The following CSMD1 variants were observed in gnomAD, a reference collection of about 807,000 sequenced individuals.
CSMD1 encodes CUB and sushi domain-containing protein 1.
In CSMD1, 213 loss-of-function variants were observed where a neutral mutation model predicts 417.5. The observed-to-expected ratio is 0.51, with a 90% CI of 0.46 to 0.57. The LOEUF (loss-of-function observed/expected upper bound fraction) is 0.57. Among genes scored for constraint, CSMD1 ranks in the 20% least tolerant of loss-of-function variants. The pLI is 0.00. For synonymous variants in CSMD1, 2,862 were observed against 1,736.8 expected (o/e 1.65, Z -16.11); for missense variants, 6,923 against 4,529.7 (o/e 1.53, Z -15.17).
intron 5 of CSMD1, among the ~76,000 whole-genome samples, chr8:3,848,305 C>T (rs115449873): frequency 6.6e-5 from 10 of 152,214 alleles, no homozygotes; most frequent in African/African-American, 2.4e-4. Flanking sequence ...TGCGATCCCA[C>T]TAACAACAGA....
chr8:3,899,951 A>G (rs1380737935), intron 5 of CSMD1, among the ~76,000 whole-genome samples: 1 of 152,244 alleles, frequency 6.6e-6, no homozygotes, highest in Non-Finnish European at 1.5e-5. Flanking sequence ...TCCCATGGGA[A>G]GGGTAGTTGC....
At chr8:4,048,296 G>C (rs920701276) in intron 3 of CSMD1, among the ~76,000 whole-genome samples, 3 of 152,124 alleles carry the variant, frequency 2.0e-5, no homozygotes, top group Admixed American at 6.6e-5. Context: ...GCATAAGATT[G>C]AGCTGGTTAC....
chr8:3,251,873 G>A (rs185985572), intron 26 of CSMD1, among the ~76,000 whole-genome samples: 7 of 152,160 alleles, frequency 4.6e-5, no homozygotes, highest in African/African-American at 1.7e-4. Flanking sequence ...TTTGTCTGTT[G>A]TTGGTGTATA....
chr8:3,099,296 C>T (rs1024627351), intron 46 of CSMD1, among the ~76,000 whole-genome samples: 15 of 152,236 alleles, frequency 9.9e-5, no homozygotes, highest in Admixed American at 2.0e-4. Context: ...CTGCCATAAA[C>T]GTCACAAGAT....
chr8:4,117,032 G>A (rs967745943), intron 3 of CSMD1, among the ~76,000 whole-genome samples: 3 of 151,060 alleles, frequency 2.0e-5, no homozygotes, highest in Non-Finnish European at 2.9e-5. Context: ...TTTTCTTTTC[G>A]CAGTTTGGAA....
rs1276409041 is a variant in CSMD1 at position 4,102,565 on chromosome 8, G to A, written c.416-70466C>T. Among the ~76,000 whole-genome samples, 3 of 150,034 alleles carry A rather than the reference G, an allele frequency of 2.0e-5. No homozygotes were observed. The South Asian group carries it at 6.2e-4, about 31-fold the overall frequency. On this transcript the variant is annotated intron_variant, in intron 3 of 69. Transcript: ENST00000635120. Reference sequence around the variant, plus strand: ...AAATGTCAGCTTATCACAGGAGGCTGACTCCCAGGCTGAAATAATTCAATC... The same window carrying A: ...AAATGTCAGCTTATCACAGGAGGCTAACTCCCAGGCTGAAATAATTCAATC...
At chr8:3,531,553 G>C (rs934362225) in intron 10 of CSMD1, among the ~76,000 whole-genome samples, 1 of 152,190 alleles carries the variant, frequency 6.6e-6, no homozygotes, top group African/African-American at 2.4e-5. Context: ...AGAAGTTCTG[G>C]GAGCCCTGCC....
intron 2 of CSMD1, among the ~76,000 whole-genome samples, chr8:4,481,459 A>G (rs1248192871): frequency 6.6e-6 from 1 of 152,262 alleles, no homozygotes; most frequent in East Asian, 1.9e-4. Context: ...AGATAAAATA[A>G]TGATGTGTTC....
rs544766396 is a variant in CSMD1 at position 2,996,863 on chromosome 8, T to A, written c.8377+1148A>T. ...AATGAAAGAAGAAGAAAAGTTGTAG[T>A]TCAGGTGAAATCAGTAACCATGTTC... On this transcript the variant is annotated intron_variant, in intron 54 of 69. Transcript: ENST00000635120. Among the ~76,000 whole-genome samples the A allele has an allele frequency of 1.3e-4, 20 of 152,358 alleles. No individual in the cohort carries two copies. The South Asian group carries it at 3.9e-3, about 30-fold the overall frequency.
chr8:4,108,720 T>A (rs1563134389), intron 3 of CSMD1, among the ~76,000 whole-genome samples: 1 of 152,298 alleles, frequency 6.6e-6, no homozygotes, highest in Admixed American at 6.5e-5. Context: ...ATAAACGAAG[T>A]GTATGCATAC....
chr8:3,218,928 G>A (rs994591083), intron 29 of CSMD1, among the ~76,000 whole-genome samples: 1 of 152,030 alleles, frequency 6.6e-6, no homozygotes, highest in Non-Finnish European at 1.5e-5. Flanking sequence ...TCATCTTGAA[G>A]AAACAAATTA....
chr8:3,966,883 T>A (rs1448932800), intron 5 of CSMD1, among the ~76,000 whole-genome samples: 1 of 152,216 alleles, frequency 6.6e-6, no homozygotes, highest in African/African-American at 2.4e-5. Context: ...ACTGGATGTA[T>A]CAGATTTTCA....
intron 3 of CSMD1, among the ~76,000 whole-genome samples, chr8:4,406,642 G>C (rs1002038366): frequency 6.6e-6 from 1 of 152,108 alleles, no homozygotes; most frequent in African/African-American, 2.4e-5. Flanking sequence ...CCACACAACA[G>C]GAAGCATGGG....
At chr8:4,575,817 G>A (rs1387687291) in intron 2 of CSMD1, among the ~76,000 whole-genome samples, 3 of 152,172 alleles carry the variant, frequency 2.0e-5, no homozygotes, top group African/African-American at 7.2e-5. Flanking sequence ...CTAGTCTGAG[G>A]TCGCAATGTC....
At chr8:4,301,547 G>A (rs985870840) in intron 3 of CSMD1, among the ~76,000 whole-genome samples, 1 of 152,142 alleles carries the variant, frequency 6.6e-6, no homozygotes, top group Non-Finnish European at 1.5e-5. Flanking sequence ...GCAATGTTTT[G>A]GAATTCACCA....
intron 1 of CSMD1, among the ~76,000 whole-genome samples, chr8:4,792,766 T>C (rs1178469902): frequency 6.6e-6 from 1 of 152,120 alleles, no homozygotes; most frequent in Non-Finnish European, 1.5e-5. Flanking sequence ...ACGGGGTGTT[T>C]TGTCACTCAG....
chr8:4,434,114 G>T (rs146869880), intron 2 of CSMD1, among the ~76,000 whole-genome samples: 1 of 152,188 alleles, frequency 6.6e-6, no homozygotes, highest in Non-Finnish European at 1.5e-5. Flanking sequence ...GAAGTGGGCA[G>T]ATCACTTCAG....
chr8:3,671,545 G>A (rs28658046), intron 7 of CSMD1, among the ~76,000 whole-genome samples: 219 of 1,620 alleles, frequency 0.14, 26 homozygotes, highest in East Asian at 0.19. Flanking sequence ...ATATATATAT[G>A]ATCATATATA....
chr8:2,940,968 G>A (rs1482644096), intron 69 of CSMD1, among the ~76,000 whole-genome samples: 1 of 152,180 alleles, frequency 6.6e-6, no homozygotes, highest in African/African-American at 2.4e-5. Flanking sequence ...ATCCCTTTAA[G>A]AAGAGAAGCT....
Sources: allele counts gnomAD v4.1 joint callset (sites outside exome capture counted in the v4.1 genomes callset), GRCh38; gene constraint gnomAD v4.1.1; transcripts MANE v1.5; gene names NCBI Gene and HGNC (gene_info 2026-07-23, HGNC 2026-07-21).